AGO4: variants seen among roughly 807,000 people sequenced by gnomAD.
The protein encoded by AGO4 is argonaute RISC component 4.
A neutral mutation model predicts 104.7 loss-of-function variants in AGO4; 33 were observed. The observed-to-expected ratio is 0.32, with a 90% confidence interval of 0.24 to 0.42. The LOEUF (loss-of-function observed/expected upper bound fraction) is 0.42, where lower values mean the gene tolerates loss of function less well. Among genes scored for constraint, AGO4 ranks in the 10% least tolerant of loss-of-function variants. The pLI is 1.00. For synonymous variants in AGO4, 331 were observed against 364.7 expected (o/e 0.91, Z 1.05); for missense variants, 711 against 1,083.4 (o/e 0.66, Z 4.83).
chr1:35,818,654 A>AAGGAAGG (rs1557552190), intron 2 of AGO4, among the ~76,000 whole-genome samples: 220 of 95,114 alleles, frequency 2.3e-3, no homozygotes, highest in East Asian at 0.022. Flanking sequence ...AGAAAGAAAG[A>AAGGAAGG]AAGAAAGGAA....
At chr1:35,837,396 T>G (rs972222942) in intron 13 of AGO4, among the ~76,000 whole-genome samples, 54 of 151,982 alleles carry the variant, frequency 3.6e-4, no homozygotes, top group Admixed American at 1.4e-3. Context: ...TTTTTTTTTT[T>G]GGGACAGGGT....
At chr1:35,826,927 C>A in intron 7 of AGO4, 92 bp downstream of exon 7, 1 of 1,264,764 alleles carries the variant, frequency 7.9e-7, no homozygotes, top group Non-Finnish European at 1.1e-6. Flanking sequence ...ATTGGCCGGG[C>A]ACAGTGGCTC....
chr1:35,839,053 T>G (rs774897066), intron 13 of AGO4, among the ~76,000 whole-genome samples: 1 of 152,142 alleles, frequency 6.6e-6, no homozygotes, highest in Non-Finnish European at 1.5e-5. Context: ...CAATCTCGGC[T>G]CACTGCAAAC....
At position 35,825,826 on chromosome 1, in the gene AGO4, A is replaced by G. The variant is rs1644005950; in HGVS notation, c.625+11A>G. On this transcript the variant is annotated intron_variant, in intron 5 of 17. Transcript: ENST00000373210. ...TGCTCAACATTGATGGTAGGATGGA[A>G]CTCTCTTTATCCAATAACTCTTTGG... 6.3e-7 allele frequency: 1 copy of G among 1,583,208 alleles called. No homozygotes were observed. The highest frequency in any genetic ancestry group is 8.6e-7 in the Non-Finnish European group (1 of 1,166,568).
In AGO4 at chr1:35,808,480, C is replaced by G. The variant is rs894640087; in HGVS notation, c.19+45C>G. On this transcript the variant is annotated intron_variant, in intron 1 of 17. Coordinates refer to ENST00000373210, the MANE Select transcript of AGO4 (RefSeq NM_017629.4). The surrounding 1 kb of genome is among the most constrained non-coding windows in gnomAD (Gnocchi z 5.2). ...CGGGGCGGGACCCGGGACCCGGGAC[C>G]CGGGGCGGGCGGCCGGGACTTTCGC... The G allele has an allele frequency of 3.4e-6, 4 of 1,180,468 alleles. No individual in the cohort carries two copies. The African/African-American group carries it at 4.8e-5, about 14-fold the overall frequency. The allele number at this position is 1,180,468 out of a possible 1,614,324, so 73.1% of individuals were successfully genotyped here. A position where few individuals can be genotyped will look rare whatever the true frequency, so the allele number is the denominator to read the frequency against.
chr1:35,831,725 G>A, intron 8 of AGO4, 87 bp from the exon 9 acceptor site: 1 of 1,556,738 alleles, frequency 6.4e-7, no homozygotes, highest in Non-Finnish European at 8.6e-7. Context: ...TAATTTTTCT[G>A]GAAATAGAGG....
At chr1:35,853,124 G>A (rs1157905201) in intron 17 of AGO4, among the ~76,000 whole-genome samples, 1 of 151,846 alleles carries the variant, frequency 6.6e-6, no homozygotes, top group African/African-American at 2.4e-5. Flanking sequence ...GGTGGCGGGC[G>A]CCTGTAGTCC....
At position 35,817,346 on chromosome 1, in the gene AGO4, G is replaced by A. The variant is rs115891796; in HGVS notation, c.185+299G>A. 3.9e-3 allele frequency among the ~76,000 whole-genome samples: 599 copies of A among 151,908 alleles called. 3 individuals are homozygous for A. Among genetic ancestry groups the A allele is most frequent in the African/African-American group, 0.014 (581 of 41,430 alleles). ...ATAGGTGAAGACATTAGTGTCTGTGGGAAATAGAACTATCTGGAAATTCAA... is the reference window on the plus strand; with the variant it reads ...ATAGGTGAAGACATTAGTGTCTGTGAGAAATAGAACTATCTGGAAATTCAA... On this transcript the variant is annotated intron_variant, in intron 2 of 17. Transcript: ENST00000373210.
chr1:35,848,438 T>G (rs918987734), intron 15 of AGO4, among the ~76,000 whole-genome samples: 1 of 98,018 alleles, frequency 1.0e-5, no homozygotes, highest in African/African-American at 2.6e-5. Context: ...TGTGTTACAG[T>G]TTATTGTATA....
rs1438726896 is a variant in AGO4, at chr1:35,841,497, T to C, written c.2040+17T>C. The C allele has an allele frequency of 3.7e-6, 6 of 1,610,024 alleles. No homozygotes were observed. The Admixed American group carries it at 5.0e-5, about 13-fold the overall frequency. ...ATGAAACAGGTACTCTCATTATCCC[T>C]GTTGCCCTTCGGGGCCCCTAGGAGT... On this transcript the variant is annotated intron_variant, in intron 14 of 17. Coordinates refer to ENST00000373210, the MANE Select transcript of AGO4 (RefSeq NM_017629.4). The surrounding 1 kb of genome is among the most constrained non-coding windows in gnomAD (Gnocchi z 4.7).
At chr1:35,811,643 G>A (rs981770949) in intron 1 of AGO4, among the ~76,000 whole-genome samples, 4 of 151,338 alleles carry the variant, frequency 2.6e-5, no homozygotes, top group African/African-American at 9.7e-5. Context: ...TCGCTGTGTC[G>A]CCCAGGCTGG....
At chr1:35,853,248 C>CAAAAAAAAA in intron 17 of AGO4, among the ~76,000 whole-genome samples, 1 of 64,952 alleles carries the variant, frequency 1.5e-5, no homozygotes. Context: ...GACTCTGTCT[C>CAAAAAAAAA]AAAAAAAAAA....
At chr1:35,824,044 T>C (rs1643949949) in intron 3 of AGO4, among the ~76,000 whole-genome samples, 1 of 152,196 alleles carries the variant, frequency 6.6e-6, no homozygotes, top group Non-Finnish European at 1.5e-5. Flanking sequence ...AAGTACTACC[T>C]GAATCTGAAC....
Position 35,856,829 on chromosome 1 carries a change from AAGG to A in AGO4, c.*3225_*3227del, listed in dbSNP as rs764726433. 124 of 19,200 alleles carry A rather than the reference AAGG, an allele frequency of 6.5e-3. 1 individual carries two copies. The highest frequency in any genetic ancestry group is 0.014 in the South Asian group (5 of 360). The allele number at this position is 19,200 out of a possible 1,614,324, so 1.2% of individuals were successfully genotyped here. On this transcript the variant is annotated 3_prime_UTR_variant, in exon 18 of 18. Transcript: ENST00000373210. Reference sequence around the variant, plus strand: ...AGCGAAACTCTGTCTCAAAAAAAAAAAGGGGGGGGGGGGACATTAAGAGAGTGG... The same window carrying A: ...AGCGAAACTCTGTCTCAAAAAAAAAAGGGGGGGGGGACATTAAGAGAGTGG...
chr1:35,852,270 G>C (rs1379132706), intron 17 of AGO4, among the ~76,000 whole-genome samples: 1 of 152,200 alleles, frequency 6.6e-6, no homozygotes. Flanking sequence ...CATGTCAGAG[G>C]AGAGGGTGAA....
intron 7 of AGO4, 147 bp from the exon 8 acceptor site, chr1:35,831,280 T>C: frequency 1.4e-6 from 1 of 736,584 alleles, no homozygotes; most frequent in Non-Finnish European, 2.1e-6. Context: ...GAGAATCCAT[T>C]GAACCCGGGA....
At chr1:35,850,582 C>A (rs917520086) in intron 16 of AGO4, among the ~76,000 whole-genome samples, 2 of 151,682 alleles carry the variant, frequency 1.3e-5, no homozygotes, top group Non-Finnish European at 2.9e-5. Flanking sequence ...GAGTTTGAGA[C>A]CAGCCTGACC....
chr1:35,820,496 T>G (rs1309713270), intron 2 of AGO4, among the ~76,000 whole-genome samples: 1 of 152,058 alleles, frequency 6.6e-6, no homozygotes. Flanking sequence ...TAGCTGGGAT[T>G]ACAGGCATGC....
intron 15 of AGO4, among the ~76,000 whole-genome samples, chr1:35,847,637 A>G (rs1195742711): frequency 6.6e-6 from 1 of 152,078 alleles, no homozygotes; most frequent in East Asian, 1.9e-4. Flanking sequence ...AATACCTAAT[A>G]CAATGTAAAG....
Sources: gnomAD v4.1 joint callset for allele counts (sites outside exome capture counted in the v4.1 genomes callset) on GRCh38, gnomAD v4.1.1 for gene constraint, Gnocchi (gnomAD v3.1) non-coding constraint, MANE v1.5 for transcripts, NCBI Gene and HGNC (gene_info 2026-07-23, HGNC 2026-07-21) for gene names.